GALNT13: variants seen among roughly 807,000 people sequenced by gnomAD.
GALNT13 encodes the protein polypeptide N-acetylgalactosaminyltransferase 13.
GALNT13 carries 28 observed loss-of-function variants against 64.2 expected under a neutral mutation model. That is an observed-to-expected ratio of 0.44 (90% confidence interval 0.32 to 0.60). The LOEUF is 0.60. Ranked by LOEUF, GALNT13 falls within the 20% of genes least tolerant of loss-of-function variation. The pLI, the probability that GALNT13 is intolerant of heterozygous loss-of-function variation, is 0.05. For missense variants in GALNT13, 577 were observed against 669.8 expected (o/e 0.86, Z 1.53); for synonymous variants, 214 against 224.6 (o/e 0.95, Z 0.42).
chr2:154,346,480 G>A (rs377448267), intron 9 of GALNT13, among the ~76,000 whole-genome samples: 29 of 152,110 alleles, frequency 1.9e-4, no homozygotes, highest in African/African-American at 4.1e-4. Context: ...AATCGTGGGC[G>A]TGGTTTCCCC....
At chr2:153,333,778 G>A in the GALNT13 span, among the ~76,000 whole-genome samples, 1,439 of 152,188 alleles carry the variant, frequency 9.5e-3, 7 homozygotes, top group Non-Finnish European at 0.015. Context: ...TATTTGTACC[G>A]CAAAAATTAT....
the GALNT13 span, among the ~76,000 whole-genome samples, chr2:153,568,671 T>C: frequency 6.6e-6 from 1 of 152,184 alleles, no homozygotes; most frequent in African/African-American, 2.4e-5. Context: ...ATATCACAAG[T>C]GTACAGCTCA....
rs1688135698 is a variant in GALNT13 at position 154,217,979 on chromosome 2, A to G, written c.312-24051A>G. ...TAAATGACAGGAAAAGATCAGGATT[A>G]TCTTCTGCAAGATATCCAACAAGCC... On this transcript the variant is annotated intron_variant, in intron 4 of 12. Transcript: ENST00000392825. Among the ~76,000 whole-genome samples, 3 of 152,272 alleles carry G rather than the reference A, an allele frequency of 2.0e-5. No individual in the cohort carries two copies. The South Asian group carries it at 6.2e-4, about 32-fold the overall frequency.
chr2:153,842,971 A>G, the GALNT13 span, among the ~76,000 whole-genome samples: 7,410 of 152,250 alleles, frequency 0.049, 224 homozygotes, highest in East Asian at 0.13. Flanking sequence ...AATTTAATAC[A>G]TGTGTTTAGC....
At chr2:153,484,614 G>C in the GALNT13 span, among the ~76,000 whole-genome samples, 2 of 152,216 alleles carry the variant, frequency 1.3e-5, no homozygotes, top group East Asian at 3.9e-4. Context: ...CTAATCTTTA[G>C]AGCATTAGTT....
the GALNT13 span, among the ~76,000 whole-genome samples, chr2:153,375,921 G>C: frequency 6.6e-6 from 1 of 152,190 alleles, no homozygotes; most frequent in South Asian, 2.1e-4. Context: ...GCTTCAGGTT[G>C]CTTCCACGCA....
chr2:154,354,808 G>C (rs12612941), intron 9 of GALNT13, among the ~76,000 whole-genome samples: 3 of 151,882 alleles, frequency 2.0e-5, no homozygotes, highest in South Asian at 4.1e-4. Context: ...ATCATACTTC[G>C]TGATTTTAAA....
chr2:154,101,006 G>A (rs531424196), intron 3 of GALNT13, among the ~76,000 whole-genome samples: 4 of 152,122 alleles, frequency 2.6e-5, no homozygotes, highest in East Asian at 1.9e-4. Context: ...TGTGAATCAC[G>A]TTCATTGATT....
intron 2 of GALNT13, among the ~76,000 whole-genome samples, chr2:153,941,520 A>T (rs1691341053): frequency 6.6e-6 from 1 of 152,142 alleles, no homozygotes; most frequent in Admixed American, 6.6e-5. Flanking sequence ...CTGACTGAGA[A>T]ACAGAACAGT....
At chr2:154,124,441 C>T (rs922018539) in intron 3 of GALNT13, among the ~76,000 whole-genome samples, 9 of 151,866 alleles carry the variant, frequency 5.9e-5, no homozygotes, top group Admixed American at 4.6e-4. Context: ...AATAATATTG[C>T]AAATAAAGCC....
chr2:154,026,864 T>C (rs1293891139), intron 3 of GALNT13, among the ~76,000 whole-genome samples: 1 of 152,158 alleles, frequency 6.6e-6, no homozygotes, highest in Non-Finnish European at 1.5e-5. Context: ...GAAGTATAGT[T>C]GGGTATGCCT....
At chr2:153,282,382 T>G in the GALNT13 span, among the ~76,000 whole-genome samples, 1 of 152,180 alleles carries the variant, frequency 6.6e-6, no homozygotes, top group Non-Finnish European at 1.5e-5. Flanking sequence ...TCTGAGTTTC[T>G]GTTTTGATTA....
the GALNT13 span, among the ~76,000 whole-genome samples, chr2:153,770,631 A>G: frequency 2.0e-5 from 3 of 152,360 alleles, no homozygotes; most frequent in African/African-American, 4.8e-5. Flanking sequence ...ATTTGCATCA[A>G]GGATCAAGTA....
the GALNT13 span, among the ~76,000 whole-genome samples, chr2:153,620,513 A>G: frequency 1.3e-5 from 2 of 151,778 alleles, no homozygotes; most frequent in Non-Finnish European, 2.9e-5. Flanking sequence ...AAGCTGACCA[A>G]TTATTTCTTC....
chr2:153,718,002 T>A, the GALNT13 span, among the ~76,000 whole-genome samples: 2 of 152,036 alleles, frequency 1.3e-5, no homozygotes, highest in Non-Finnish European at 2.9e-5. Flanking sequence ...CTGCAAACCC[T>A]CTCCTTTGGT....
chr2:153,197,163 G>A, the GALNT13 span, among the ~76,000 whole-genome samples: 1 of 152,188 alleles, frequency 6.6e-6, no homozygotes. Context: ...GAGGTGGAGT[G>A]ATTATGAAGA....
chr2:154,232,976 G>A (rs1689002157), intron 4 of GALNT13, among the ~76,000 whole-genome samples: 1 of 149,288 alleles, frequency 6.7e-6, no homozygotes, highest in Non-Finnish European at 1.5e-5. Context: ...GGAGGCGGAG[G>A]TGGCAGTGAA....
intron 11 of GALNT13, among the ~76,000 whole-genome samples, chr2:154,416,687 T>C (rs1047951458): frequency 6.6e-6 from 1 of 152,172 alleles, no homozygotes. Flanking sequence ...CCTCAAGTTC[T>C]TCAAACAATG....
At chr2:154,043,455 T>C (rs1834194) in intron 3 of GALNT13, among the ~76,000 whole-genome samples, 48,289 of 104,716 alleles carry the variant, frequency 0.46, 12,343 homozygotes, top group Non-Finnish European at 0.53. Context: ...TATATATATA[T>C]ACACACATGT....
Sources: allele counts gnomAD v4.1 joint callset (sites outside exome capture counted in the v4.1 genomes callset), GRCh38; gene constraint gnomAD v4.1.1; transcripts MANE v1.5; gene names NCBI Gene and HGNC (gene_info 2026-07-23, HGNC 2026-07-21).